Variants in ZNF514 observed in about 807,000 individuals in gnomAD.
ZNF514 encodes zinc finger protein 514.
Under a neutral mutation model 9.7 loss-of-function variants are expected in ZNF514, and 12 were observed. That is an observed-to-expected ratio of 1.24 (90% confidence interval 0.79 to 2.01). The LOEUF is 2.01. Among genes scored for constraint, ZNF514 ranks in the 30% most tolerant of loss-of-function variants. The probability of loss-of-function intolerance (pLI) is 0.00; values close to 1 mark genes in which losing one functional copy is unlikely to be tolerated. For missense variants in ZNF514, 467 were observed against 465.5 expected, an observed-to-expected ratio of 1.00 and a Z score of -0.03; for synonymous variants, 158 against 163.7, an observed-to-expected ratio of 0.97 and a Z score of 0.27.
chr2:95,149,661 A>G lies in ZNF514; in HGVS notation c.824T>C (p.Leu275Pro). 7 of 1,614,216 alleles carry G rather than the reference A, an allele frequency of 4.3e-6. No individual in the cohort carries two copies. The highest frequency in any genetic ancestry group is 5.9e-6 in the Non-Finnish European group (7 of 1,180,042). ...AGTGTGAAATCTATAGTGCAGAACAAGAGACGAACTCTGGCTGAAGGCTCT... is the reference window on the plus strand; with the variant it reads ...AGTGTGAAATCTATAGTGCAGAACAGGAGACGAACTCTGGCTGAAGGCTCT... ...CGRAFSQSSS[L>P]VLHYRFHTGE... The change falls in exon 5 of 5, where the codon CTT becomes CCT. Residue 275 changes from leucine to proline, a missense_variant. By Grantham distance (98) the Leu-to-Pro change is moderately conservative. Transcript: ENST00000295208.
At position 95,149,568 on chromosome 2, in the gene ZNF514, T is replaced by G. The variant is rs778444119; in HGVS notation, c.917A>C (p.His306Pro). ...AFGHTSSLIKHQRTHTGEKPY... is the reference protein window; with the variant it reads ...AFGHTSSLIKPQRTHTGEKPY... Reference sequence around the variant, plus strand: ...CTTTTCTCCAGTATGAGTCCTCTGATGCTTAATAAGGGATGAAGTGTGACC... The same window carrying G: ...CTTTTCTCCAGTATGAGTCCTCTGAGGCTTAATAAGGGATGAAGTGTGACC... The change falls in exon 5 of 5, where the codon CAT becomes CCT. Residue 306 changes from histidine to proline, a missense_variant. Coordinates refer to ENST00000295208, the MANE Select transcript of ZNF514 (RefSeq NM_032788.3). The G allele has an allele frequency of 6.2e-7, 1 of 1,614,120 alleles. No homozygotes were observed. Among genetic ancestry groups the G allele is most frequent in the East Asian group, 2.2e-5 (1 of 44,878 alleles).
chr2:95,132,877 A>G, the ZNF514 span, among the ~76,000 whole-genome samples: 1 of 151,712 alleles, frequency 6.6e-6, no homozygotes, highest in East Asian at 1.9e-4. Context: ...CAAAAAAAAA[A>G]AAAAAAAAAA....
Position 95,146,306 on chromosome 2 carries a change from C to G in ZNF514, c.*2976G>C, listed in dbSNP as rs1396824686. Among the ~76,000 whole-genome samples, 1 of 151,698 alleles carries G rather than the reference C, an allele frequency of 6.6e-6. No homozygotes were observed. Among genetic ancestry groups the G allele is most frequent in the African/African-American group, 2.4e-5 (1 of 41,404 alleles). On this transcript the variant is annotated 3_prime_UTR_variant, in exon 5 of 5. Transcript: ENST00000295208. Reference sequence around the variant, plus strand: ...ATTTACCACAAGTCTAGATATTGTCCATTTTTAAAAACTTACACAAACAAA... The same window carrying G: ...ATTTACCACAAGTCTAGATATTGTCGATTTTTAAAAACTTACACAAACAAA...
At chr2:95,135,046 C>G in the ZNF514 span, among the ~76,000 whole-genome samples, 3 of 152,068 alleles carry the variant, frequency 2.0e-5, no homozygotes, top group African/African-American at 7.2e-5. Context: ...CTTCATTATT[C>G]TTTTGCAAGA....
chr2:95,152,856 T>G lies in ZNF514; in HGVS notation c.122-87A>C, dbSNP rs1387713510. On this transcript the variant is annotated intron_variant, in intron 3 of 4. Transcript: ENST00000295208. ...TCATCTTCAAGGTGGAGAAATACTG[T>G]AGGCATGGAAAGCCTCCAGAGAACA... is the stretch of plus-strand genomic sequence containing the variant. 8 of 1,276,556 alleles carry G rather than the reference T, an allele frequency of 6.3e-6. No homozygotes were observed. In the Admixed American group the frequency reaches 1.2e-4, roughly 19 times the overall value. 79.1% of individuals were successfully genotyped at this position (1,276,556 alleles called of 1,614,324 possible). A position where few individuals can be genotyped will look rare whatever the true frequency, so the allele number is the denominator to read the frequency against.
the ZNF514 span, among the ~76,000 whole-genome samples, chr2:95,126,202 C>A: frequency 2.1e-4 from 32 of 151,956 alleles, no homozygotes; most frequent in Admixed American, 1.4e-3. Context: ...GAAACCCCAT[C>A]TCTACTAAAA....
rs1242677966 is a variant in ZNF514 at position 95,146,222 on chromosome 2, G to GA, written c.*3059dup. On this transcript the variant is annotated 3_prime_UTR_variant, in exon 5 of 5. Transcript: ENST00000295208. ...CTTTTTCCATTGTCATCTGGTTCAGGAAACAAGAAAGTGGTAAAGTGATAA... is the reference window on the plus strand; with the variant it reads ...CTTTTTCCATTGTCATCTGGTTCAGGAAAACAAGAAAGTGGTAAAGTGATAA... Among the ~76,000 whole-genome samples the GA allele has an allele frequency of 1.3e-5, 2 of 152,094 alleles. No homozygotes were observed. Among genetic ancestry groups the GA allele is most frequent in the Non-Finnish European group, 2.9e-5 (2 of 68,022 alleles).
chr2:95,137,912 C>T, the ZNF514 span, among the ~76,000 whole-genome samples: 5 of 152,152 alleles, frequency 3.3e-5, no homozygotes, highest in Admixed American at 1.3e-4. Flanking sequence ...GTGTGGAGTT[C>T]TCATGAATGG....
downstream of ZNF514, among the ~76,000 whole-genome samples, chr2:95,144,574 G>T (rs1558697340): frequency 6.6e-6 from 1 of 152,112 alleles, no homozygotes; most frequent in Non-Finnish European, 1.5e-5. Context: ...TGCATTTGGG[G>T]TACTCCCATA....
intron 1 of ZNF514, among the ~76,000 whole-genome samples, chr2:95,157,718 C>G (rs1673725552): frequency 6.6e-6 from 1 of 152,188 alleles, no homozygotes; most frequent in South Asian, 2.1e-4. Flanking sequence ...AAGTTATTTA[C>G]TGGGCATACT....
chr2:95,130,044 G>A, the ZNF514 span, among the ~76,000 whole-genome samples: 9 of 152,142 alleles, frequency 5.9e-5, no homozygotes, highest in African/African-American at 1.4e-4. Context: ...CGATAATCAC[G>A]TAGGTTCTTT....
At chr2:95,135,928 T>C in the ZNF514 span, among the ~76,000 whole-genome samples, 2 of 151,324 alleles carry the variant, frequency 1.3e-5, no homozygotes, top group African/African-American at 4.9e-5. Context: ...AAATTAGCCA[T>C]GCGTGGTGGC....
chr2:95,128,821 A>C, the ZNF514 span, among the ~76,000 whole-genome samples: 1 of 152,098 alleles, frequency 6.6e-6, no homozygotes, highest in African/African-American at 2.4e-5. Context: ...AGGTGGAAAA[A>C]GAGAGCCATC....
Position 95,148,601 on chromosome 2 carries a change from GAACATCCACCAAAGCC to G in ZNF514, c.*665_*680del, listed in dbSNP as rs1327504602. On this transcript the variant is annotated 3_prime_UTR_variant, in exon 5 of 5. Transcript: ENST00000295208. Reference sequence around the variant, plus strand: ...ACAAATTCTCTAACGTGTTTTGGTGGAACATCCACCAAAGCCCTTCCCACATTCATCACGTCACCAG... The same window carrying G: ...ACAAATTCTCTAACGTGTTTTGGTGGCTTCCCACATTCATCACGTCACCAG... The G allele has an allele frequency of 2.0e-5, 3 of 152,170 alleles. No homozygotes were observed. The highest frequency in any genetic ancestry group is 6.5e-5 in the Admixed American group (1 of 15,276). 9.4% of individuals were successfully genotyped at this position (152,170 alleles called of 1,614,324 possible). A position where few individuals can be genotyped will look rare whatever the true frequency, so the allele number is the denominator to read the frequency against.
the ZNF514 span, among the ~76,000 whole-genome samples, chr2:95,124,151 A>G: frequency 5.3e-5 from 8 of 152,166 alleles, no homozygotes; most frequent in Non-Finnish European, 1.0e-4. Flanking sequence ...GAACTGTTCT[A>G]TCTCCAAGAT....
Position 95,149,888 on chromosome 2 carries a change from TG to T in ZNF514, c.596del (p.Pro199GlnfsTer221). On this transcript the variant is annotated frameshift_variant, in exon 5 of 5. Transcript: ENST00000295208. LOFTEE classifies it low-confidence loss of function (END_TRUNC). ...CATTACATTTACAAGATTTCTTTTC[TG>T]GGTGGGTTCTCTGAGAGTTGTTTCC... ...LGGNNSQRTH[P>X]EKKSCKCNEC... 1 of 1,614,256 alleles carries T rather than the reference TG, an allele frequency of 6.2e-7. No homozygotes were observed. The highest frequency in any genetic ancestry group is 8.5e-7 in the Non-Finnish European group (1 of 1,180,032).
chr2:95,126,386 A>AT, the ZNF514 span, among the ~76,000 whole-genome samples: 1 of 148,452 alleles, frequency 6.7e-6, no homozygotes, highest in African/African-American at 2.5e-5. Flanking sequence ...AAAAAAAAAA[A>AT]AAAAAAAAAG....
chr2:95,157,275 G>T, intron 2 of ZNF514, 76 bp downstream of exon 2: 1 of 960,738 alleles, frequency 1.0e-6, no homozygotes, highest in African/African-American at 1.7e-5. Flanking sequence ...TGAAAAAAGA[G>T]GCTACTTTTT....
intron 1 of ZNF514, chr2:95,159,006 C>G: frequency 1.6e-6 from 2 of 1,279,830 alleles, no homozygotes; most frequent in Non-Finnish European, 2.0e-6. Context: ...GGAGCGGCGT[C>G]CTTTCACTAG....
Sources: gnomAD v4.1 joint callset for allele counts (sites outside exome capture counted in the v4.1 genomes callset) on GRCh38, gnomAD v4.1.1 for gene constraint, MANE v1.5 for transcripts, NCBI Gene and HGNC (gene_info 2026-07-23, HGNC 2026-07-21) for gene names.